Variants in SIK2 observed in about 807,000 individuals in gnomAD.
SIK2 encodes serine/threonine-protein kinase SIK2.
A neutral mutation model predicts 103.2 loss-of-function variants in SIK2; 29 were observed. The observed-to-expected ratio is 0.28, with a 90% CI of 0.21 to 0.38. SIK2 has a LOEUF of 0.38. Ranked by LOEUF, SIK2 falls within the 10% of genes least tolerant of loss-of-function variation. The pLI is 1.00. For missense variants in SIK2, 879 were observed against 1,171.0 expected, an observed-to-expected ratio of 0.75 and a Z score of 3.64; for synonymous variants, 412 against 446.1, an observed-to-expected ratio of 0.92 and a Z score of 0.96.
chr11:111,686,420 G>A (rs899738286), intron 3 of SIK2, among the ~76,000 whole-genome samples: 7 of 152,122 alleles, frequency 4.6e-5, no homozygotes, highest in Non-Finnish European at 8.8e-5. Flanking sequence ...CAGCCTAGGC[G>A]ACAGACAAGA....
intron 3 of SIK2, among the ~76,000 whole-genome samples, chr11:111,638,898 G>T (rs1423684310): frequency 6.6e-6 from 1 of 151,652 alleles, no homozygotes; most frequent in Non-Finnish European, 1.5e-5. Flanking sequence ...TTTTGTTTTG[G>T]ATGCTAGTCA....
At chr11:111,708,361 G>A (rs1176225687) in intron 8 of SIK2, among the ~76,000 whole-genome samples, 2 of 152,022 alleles carry the variant, frequency 1.3e-5, no homozygotes, top group African/African-American at 2.4e-5. Context: ...CAGTCTGGGC[G>A]ACACAGTGAG....
chr11:111,683,994 C>T (rs916376874), intron 3 of SIK2, among the ~76,000 whole-genome samples: 2 of 152,152 alleles, frequency 1.3e-5, no homozygotes, highest in Non-Finnish European at 1.5e-5. Flanking sequence ...ATAATAGATA[C>T]ACTGGAATGC....
At chr11:111,655,266 G>T (rs1169015454) in intron 3 of SIK2, among the ~76,000 whole-genome samples, 1 of 152,116 alleles carries the variant, frequency 6.6e-6, no homozygotes, top group African/African-American at 2.4e-5. Context: ...GCCGGGCATG[G>T]TGCTGCATGC....
chr11:111,617,242 C>G (rs1565310235), intron 2 of SIK2, among the ~76,000 whole-genome samples: 1 of 152,062 alleles, frequency 6.6e-6, no homozygotes. Flanking sequence ...TTTTAGTGCA[C>G]CCACCAACCA....
intron 2 of SIK2, among the ~76,000 whole-genome samples, chr11:111,620,115 T>C (rs1371162520): frequency 6.6e-6 from 1 of 152,238 alleles, no homozygotes; most frequent in African/African-American, 2.4e-5. Context: ...TGAATAGTGC[T>C]ACTACTGCTG....
At chr11:111,704,866 CTT>C (rs1943304021) in intron 7 of SIK2, 119 bp from the exon 8 acceptor site, 1 of 1,185,224 alleles carries the variant, frequency 8.4e-7, no homozygotes, top group East Asian at 2.8e-5. Flanking sequence ...TCTTGAGACA[CTT>C]TGTTTTTCAC....
chr11:111,693,281 C>T (rs1304447617), intron 4 of SIK2, among the ~76,000 whole-genome samples: 1 of 151,776 alleles, frequency 6.6e-6, no homozygotes, highest in East Asian at 1.9e-4. Flanking sequence ...TTGCAGTGAG[C>T]CGAGATTGTG....
chr11:111,604,364 G>A (rs1351276279), intron 1 of SIK2, among the ~76,000 whole-genome samples: 5 of 152,236 alleles, frequency 3.3e-5, no homozygotes, highest in Admixed American at 6.5e-5. Context: ...CTTTTGAACT[G>A]TAGTATATCG....
chr11:111,697,380 G>A (rs999950427), intron 4 of SIK2, among the ~76,000 whole-genome samples: 40 of 152,166 alleles, frequency 2.6e-4, no homozygotes, highest in African/African-American at 9.4e-4. Flanking sequence ...AGTACAGAAT[G>A]TTGTCCCCCA....
rs1942872861 is a variant in SIK2, at chr11:111,688,218, G to T, written c.478+56G>T. 1 of 1,583,358 alleles carries T rather than the reference G, an allele frequency of 6.3e-7. No individual in the cohort carries two copies. Among genetic ancestry groups the T allele is most frequent in the Non-Finnish European group, 8.7e-7 (1 of 1,154,522 alleles). On this transcript the variant is annotated intron_variant, in intron 4 of 14. Coordinates refer to ENST00000304987, the MANE Select transcript of SIK2 (RefSeq NM_015191.3). The surrounding 1 kb of genome is among the most constrained non-coding windows in gnomAD (Gnocchi z 4.2). ...TCCGAAGTGAGCCACTGCACTCAGT[G>T]TGTGGAAACAGACCTGCAGGCGCAG...
chr11:111,624,698 T>C (rs1221214061), intron 3 of SIK2, among the ~76,000 whole-genome samples: 1 of 152,204 alleles, frequency 6.6e-6, no homozygotes, highest in Admixed American at 6.5e-5. Context: ...AGAAACAAAA[T>C]AGCTGAATTA....
chr11:111,701,438 G>A lies in SIK2; in HGVS notation c.604-14G>A, dbSNP rs193195750. On this transcript the variant is annotated splice_polypyrimidine_tract_variant and intron_variant, in intron 5 of 14. Coordinates refer to ENST00000304987, the MANE Select transcript of SIK2 (RefSeq NM_015191.3). This position sits in a 1 kb window ranked among gnomAD's most constrained non-coding sequence, Gnocchi z 4.2. ...TTCTTGGTAGAAAAGTCTCTGCATT[G>A]TTTTCTTCCCTAGAGTATGGGAGTT... The A allele has an allele frequency of 1.2e-6, 2 of 1,609,704 alleles. No individual in the cohort carries two copies. Among genetic ancestry groups the A allele is most frequent in the East Asian group, 2.2e-5 (1 of 44,798 alleles).
intron 3 of SIK2, among the ~76,000 whole-genome samples, chr11:111,645,519 C>T (rs988473149): frequency 2.0e-5 from 3 of 152,136 alleles, no homozygotes; most frequent in Admixed American, 2.0e-4. Context: ...AGTAAAATTA[C>T]TTTTAAAAAA....
At chr11:111,659,888 C>CA (rs1942445203) in intron 3 of SIK2, among the ~76,000 whole-genome samples, 2 of 152,208 alleles carry the variant, frequency 1.3e-5, no homozygotes, top group South Asian at 4.1e-4. Flanking sequence ...GCAACCGTGT[C>CA]AAGGAGACAC....
At position 111,701,405 on chromosome 11, in the gene SIK2, G is replaced by A; in HGVS notation, c.604-47G>A. On this transcript the variant is annotated intron_variant, in intron 5 of 14. Coordinates refer to ENST00000304987, the MANE Select transcript of SIK2 (RefSeq NM_015191.3). The surrounding 1 kb of genome is among the most constrained non-coding windows in gnomAD (Gnocchi z 4.2). ...GGGGATGTTCAGGAAAACAAAGAGT[G>A]TTTGACGTTCTTGGTAGAAAAGTCT... 6.3e-7 allele frequency: 1 copy of A among 1,593,598 alleles called. No homozygotes were observed. The highest frequency in any genetic ancestry group is 8.6e-7 in the Non-Finnish European group (1 of 1,166,056).
Sources: allele counts gnomAD v4.1 joint callset (sites outside exome capture counted in the v4.1 genomes callset), GRCh38; gene constraint gnomAD v4.1.1; non-coding constraint Gnocchi (gnomAD v3.1); transcripts MANE v1.5; gene names NCBI Gene and HGNC (gene_info 2026-07-23, HGNC 2026-07-21).